Variants in JMJD1C observed in about 807,000 individuals in gnomAD.
The protein encoded by JMJD1C is jumonji domain-containing protein 1C.
Under a neutral mutation model 245.3 loss-of-function variants are expected in JMJD1C, and 31 were observed. That is an observed-to-expected ratio of 0.13 (90% CI 0.09 to 0.17). JMJD1C has a LOEUF of 0.17. Among genes scored for constraint, JMJD1C ranks in the 10% least tolerant of loss-of-function variants. The pLI is 1.00. For missense variants in JMJD1C, 2,691 were observed against 3,000.2 expected, an observed-to-expected ratio of 0.90 and a Z score of 2.41; for synonymous variants, 1,057 against 1,017.4, an observed-to-expected ratio of 1.04 and a Z score of -0.74.
Position 63,215,064 on chromosome 10 carries a change from C to G in JMJD1C, c.1103G>C (p.Arg368Pro), listed in dbSNP as rs200644675. 2 of 1,602,490 alleles carry G rather than the reference C, an allele frequency of 1.2e-6. No individual in the cohort carries two copies. Among genetic ancestry groups the G allele is most frequent in the African/African-American group, 2.7e-5 (2 of 74,182 alleles). The change falls in exon 8 of 26, where the codon CGA becomes CCA. Residue 368 changes from arginine (R) to proline (P), a missense_variant. Transcript: ENST00000399262. ...AGAAAAGTCTGAAACATTGTCAGTT[C>G]GAAGTCTTTTCATATTTAGTTTCTT... ...DEKKLNMKRL[R>P]TDNVSDFSES...
At chr10:63,345,032 C>T (rs1348502322) in intron 2 of JMJD1C, among the ~76,000 whole-genome samples, 1 of 152,156 alleles carries the variant, frequency 6.6e-6, no homozygotes, top group Non-Finnish European at 1.5e-5. Flanking sequence ...TCCTAGATAT[C>T]TGCCCAAATA....
intron 2 of JMJD1C, among the ~76,000 whole-genome samples, chr10:63,273,934 G>T (rs1270211370): frequency 6.6e-6 from 1 of 152,112 alleles, no homozygotes; most frequent in Non-Finnish European, 1.5e-5. Context: ...CAAAGATTTT[G>T]GTTCCATTTA....
intron 3 of JMJD1C, among the ~76,000 whole-genome samples, chr10:63,221,375 T>C (rs1848578500): frequency 6.6e-6 from 1 of 152,154 alleles, no homozygotes. Flanking sequence ...GTGGTAAATA[T>C]TCTATCTGAT....
At chr10:63,467,682 G>A (rs1953354120), upstream of JMJD1C, among the ~76,000 whole-genome samples, 1 of 152,226 alleles carries the variant, frequency 6.6e-6, no homozygotes, top group Admixed American at 6.5e-5. Flanking sequence ...AAGAATTACA[G>A]ATGAAGATTT....
intron 1 of JMJD1C, among the ~76,000 whole-genome samples, chr10:63,463,655 CAG>C (rs1441024390): frequency 2.0e-5 from 3 of 152,090 alleles, no homozygotes; most frequent in African/African-American, 4.8e-5. Flanking sequence ...CAAATAAAGA[CAG>C]ATTAAAAAAA....
At chr10:63,224,583 T>A (rs899518333) in intron 3 of JMJD1C, among the ~76,000 whole-genome samples, 2 of 152,108 alleles carry the variant, frequency 1.3e-5, no homozygotes, top group Non-Finnish European at 2.9e-5. Flanking sequence ...AATAGGTTTT[T>A]TATATATATA....
intron 2 of JMJD1C, among the ~76,000 whole-genome samples, chr10:63,281,836 A>G (rs1409941942): frequency 1.3e-5 from 2 of 152,148 alleles, no homozygotes; most frequent in Non-Finnish European, 2.9e-5. Flanking sequence ...TATACCATTA[A>G]ATCAACTCAA....
rs1024285394 is a variant in JMJD1C at position 63,363,811 on chromosome 10, C to T, written c.333+16507G>A. On this transcript the variant is annotated intron_variant, in intron 2 of 25. Coordinates refer to ENST00000399262, the MANE Select transcript of JMJD1C (RefSeq NM_032776.3). ...CTCCCCCTCTGGCCCCAGCCTCTCC[C>T]GGGTAGCTGGGACTATAGGTACACG... 2.6e-5 allele frequency among the ~76,000 whole-genome samples: 4 copies of T among 151,516 alleles called. No homozygotes were observed. The East Asian group carries it at 5.8e-4, about 22-fold the overall frequency.
intron 3 of JMJD1C, among the ~76,000 whole-genome samples, chr10:63,243,363 C>T (rs1185973965): frequency 6.6e-6 from 1 of 151,508 alleles, no homozygotes; most frequent in African/African-American, 2.4e-5. Context: ...CCCATCTCTA[C>T]CAAAAATACA....
chr10:63,471,448 G>A (rs1196852222), intron 1 of JMJD1C, among the ~76,000 whole-genome samples: 1 of 152,182 alleles, frequency 6.6e-6, no homozygotes, highest in African/African-American at 2.4e-5. Context: ...TCAGCAAGGA[G>A]CAAAGTATGC....
At chr10:63,221,200 A>G (rs970268743) in intron 3 of JMJD1C, among the ~76,000 whole-genome samples, 3 of 152,190 alleles carry the variant, frequency 2.0e-5, no homozygotes, top group Non-Finnish European at 2.9e-5. Flanking sequence ...ATAAAAAACA[A>G]TTTGGCAACT....
intron 3 of JMJD1C, among the ~76,000 whole-genome samples, chr10:63,240,188 G>A (rs767530645): frequency 4.6e-5 from 7 of 152,060 alleles, no homozygotes; most frequent in Non-Finnish European, 8.8e-5. Context: ...AGAAGACAGG[G>A]TTTTAAAAGA....
intron 2 of JMJD1C, among the ~76,000 whole-genome samples, chr10:63,294,274 G>C (rs1035683461): frequency 1.3e-5 from 2 of 150,460 alleles, no homozygotes; most frequent in Non-Finnish European, 3.0e-5. Context: ...TATCTGTTCA[G>C]TTCAATCTTT....
intron 24 of JMJD1C, among the ~76,000 whole-genome samples, chr10:63,173,767 G>A (rs78798791): frequency 0.011 from 1,662 of 152,014 alleles, 31 homozygotes; most frequent in African/African-American, 0.037. Flanking sequence ...GAAAAGAGAA[G>A]CTACAGGAAA....
At chr10:63,430,492 G>A (rs1235877842) in intron 1 of JMJD1C, among the ~76,000 whole-genome samples, 1 of 152,112 alleles carries the variant, frequency 6.6e-6, no homozygotes, top group African/African-American at 2.4e-5. Flanking sequence ...ATGCAAAAGG[G>A]CACAGATTAT....
In JMJD1C at chr10:63,235,212, T is replaced by A. The variant is rs991168765; in HGVS notation, c.448-15229A>T. ...CAATATAAATAGCAATTTAAGAAAA[T>A]CAGCCGGGCACGGTGGCTCATGCCT... On this transcript the variant is annotated intron_variant, in intron 3 of 25. Coordinates refer to ENST00000399262, the MANE Select transcript of JMJD1C (RefSeq NM_032776.3). Among the ~76,000 whole-genome samples the A allele has an allele frequency of 3.3e-5, 5 of 152,162 alleles. No homozygotes were observed. The East Asian group carries it at 7.7e-4, about 24-fold the overall frequency.
chr10:63,505,727 A>G (rs1682268341), intron 1 of JMJD1C, among the ~76,000 whole-genome samples: 1 of 151,946 alleles, frequency 6.6e-6, no homozygotes, highest in Admixed American at 6.6e-5. Context: ...CAATTTCAAG[A>G]TAAATAGTGT....
intron 1 of JMJD1C, among the ~76,000 whole-genome samples, chr10:63,383,281 A>G (rs1280424154): frequency 3.3e-5 from 5 of 152,024 alleles, no homozygotes; most frequent in Non-Finnish European, 5.9e-5. Context: ...AAGCTTATCT[A>G]TTAGAATGAG....
intron 3 of JMJD1C, among the ~76,000 whole-genome samples, chr10:63,236,523 G>A (rs1487506804): frequency 6.6e-6 from 1 of 152,026 alleles, no homozygotes; most frequent in Non-Finnish European, 1.5e-5. Context: ...CTATTTATTG[G>A]CATGACTTTT....
Sources: gnomAD v4.1 joint callset for allele counts (sites outside exome capture counted in the v4.1 genomes callset) on GRCh38, gnomAD v4.1.1 for gene constraint, MANE v1.5 for transcripts, NCBI Gene and HGNC (gene_info 2026-07-23, HGNC 2026-07-21) for gene names.